Variants in PDE1C observed in about 807,000 individuals in gnomAD.
PDE1C encodes the protein phosphodiesterase 1C.
In PDE1C, 62 loss-of-function variants were observed where a neutral mutation model predicts 93.1. That is an observed-to-expected ratio of 0.67 (90% CI 0.54 to 0.82). The LOEUF (loss-of-function observed/expected upper bound fraction) is 0.82, where lower values mean the gene tolerates loss of function less well. Among genes scored for constraint, PDE1C ranks in the 40% least tolerant of loss-of-function variants. The pLI is 0.00. For synonymous variants in PDE1C, 325 were observed against 310.1 expected, an observed-to-expected ratio of 1.05 and a Z score of -0.50; for missense variants, 742 against 884.6, an observed-to-expected ratio of 0.84 and a Z score of 2.04.
rs1035325655 is a variant in PDE1C, at chr7:31,775,657, T to C, written c.1960+7A>G. 1.9e-6 allele frequency: 3 copies of C among 1,611,744 alleles called. No homozygotes were observed. Among genetic ancestry groups the C allele is most frequent in the Non-Finnish European group, 2.5e-6 (3 of 1,178,998 alleles). ...ACTAAGATAATGGTGCAATGCTGTT[T>C]ACCCACCTGGCAACGTAAGGCGACA... On this transcript the variant is annotated splice_region_variant and intron_variant, in intron 17 of 17. Coordinates refer to ENST00000396191, the MANE Select transcript of PDE1C (RefSeq NM_001191057.4).
intron 16 of PDE1C, among the ~76,000 whole-genome samples, chr7:31,799,457 T>C (rs1785716058): frequency 6.6e-6 from 1 of 151,714 alleles, no homozygotes; most frequent in Admixed American, 6.6e-5. Flanking sequence ...GGCAAATCAA[T>C]TCAAATAGAA....
At chr7:31,989,689 C>CTA (rs1357943447) in intron 2 of PDE1C, among the ~76,000 whole-genome samples, 2 of 152,196 alleles carry the variant, frequency 1.3e-5, no homozygotes, top group Non-Finnish European at 2.9e-5. Context: ...CTCATTAGAG[C>CTA]TATAGTTAGC....
chr7:32,236,637 A>G (rs1469943937), intron 1 of PDE1C, among the ~76,000 whole-genome samples: 3 of 152,188 alleles, frequency 2.0e-5, no homozygotes, highest in Non-Finnish European at 4.4e-5. Flanking sequence ...TAGGATGGCT[A>G]AGATTAAAAA....
intron 5 of PDE1C, 118 bp downstream of exon 5, chr7:31,877,852 T>G (rs1316443110): frequency 3.0e-5 from 19 of 636,580 alleles, no homozygotes; most frequent in Middle Eastern, 4.1e-4. Context: ...AATGAAAGAA[T>G]AAAGTCAGGA....
chr7:31,633,582 G>A, the PDE1C span, among the ~76,000 whole-genome samples: 15 of 152,244 alleles, frequency 9.9e-5, 1 homozygote, highest in African/African-American at 2.6e-4. Context: ...TCACACTACC[G>A]CCCATTGTCC....
intron 2 of PDE1C, among the ~76,000 whole-genome samples, chr7:32,174,389 G>A (rs1802847773): frequency 6.6e-6 from 1 of 152,142 alleles, no homozygotes; most frequent in South Asian, 2.1e-4. Context: ...CCATAACTGA[G>A]GGGCAAATAG....
chr7:31,618,168 G>C, the PDE1C span, among the ~76,000 whole-genome samples: 1 of 152,128 alleles, frequency 6.6e-6, no homozygotes. Context: ...CAGATCAAAG[G>C]TGTGACCATT....
the PDE1C span, among the ~76,000 whole-genome samples, chr7:31,644,358 A>T: frequency 6.6e-6 from 1 of 152,240 alleles, no homozygotes; most frequent in South Asian, 2.1e-4. Context: ...TTTGTAAAAT[A>T]GGGAGACTAT....
At chr7:32,214,014 AG>A (rs1244486055) in intron 1 of PDE1C, among the ~76,000 whole-genome samples, 1 of 152,168 alleles carries the variant, frequency 6.6e-6, no homozygotes, top group African/African-American at 2.4e-5. Flanking sequence ...TTTTTATTAG[AG>A]GGTATAAAAC....
the PDE1C span, chr7:31,651,380 G>A: frequency 6.4e-6 from 8 of 1,255,180 alleles, no homozygotes; most frequent in African/African-American, 7.8e-5. Flanking sequence ...ATGAGAAACC[G>A]GCCAGCTTTT....
intron 3 of PDE1C, among the ~76,000 whole-genome samples, chr7:32,146,493 C>T (rs1342363538): frequency 6.6e-6 from 1 of 152,140 alleles, no homozygotes; most frequent in Non-Finnish European, 1.5e-5. Context: ...CTTCAGATCT[C>T]TATCTGGCTA....
At chr7:32,122,784 C>T (rs964796004) in intron 3 of PDE1C, among the ~76,000 whole-genome samples, 2 of 152,002 alleles carry the variant, frequency 1.3e-5, no homozygotes, top group African/African-American at 4.8e-5. Context: ...AATTGACACC[C>T]TAAAAACACA....
At chr7:32,005,705 C>A (rs1367238096) in intron 2 of PDE1C, among the ~76,000 whole-genome samples, 1 of 151,728 alleles carries the variant, frequency 6.6e-6, no homozygotes, top group Non-Finnish European at 1.5e-5. Flanking sequence ...CTAGAAGGAA[C>A]CACACCCAAA....
At chr7:32,401,109 A>G (rs1221092134) in intron 1 of PDE1C, among the ~76,000 whole-genome samples, 2 of 152,230 alleles carry the variant, frequency 1.3e-5, no homozygotes, top group Non-Finnish European at 2.9e-5. Flanking sequence ...AAGTGTTTTG[A>G]TTGTACAACT....
the PDE1C span, among the ~76,000 whole-genome samples, chr7:31,708,788 A>G: frequency 6.6e-6 from 1 of 152,138 alleles, no homozygotes; most frequent in East Asian, 1.9e-4. Flanking sequence ...CATATGCCCC[A>G]CCTGGAGTAT....
chr7:31,743,889 A>C, the PDE1C span, among the ~76,000 whole-genome samples: 1 of 152,094 alleles, frequency 6.6e-6, no homozygotes, highest in Admixed American at 6.5e-5. Context: ...CATGATTGTC[A>C]TGAACTCATG....
intron 1 of PDE1C, among the ~76,000 whole-genome samples, chr7:32,331,114 G>A (rs1459454684): frequency 6.6e-6 from 1 of 152,172 alleles, no homozygotes; most frequent in Non-Finnish European, 1.5e-5. Context: ...GTTTGACAGG[G>A]AAGCAACAAA....
At chr7:31,858,827 T>C (rs1794327461) in intron 7 of PDE1C, among the ~76,000 whole-genome samples, 1 of 151,986 alleles carries the variant, frequency 6.6e-6, no homozygotes, top group African/African-American at 2.4e-5. Flanking sequence ...CTCAGCAAAA[T>C]ATTAAGTTCT....
At chr7:32,078,372 G>A (rs1445942582) in intron 3 of PDE1C, among the ~76,000 whole-genome samples, 3 of 152,192 alleles carry the variant, frequency 2.0e-5, no homozygotes, top group Non-Finnish European at 4.4e-5. Flanking sequence ...ACTTCCAACG[G>A]AGGACTGGTT....
Sources: allele counts gnomAD v4.1 joint callset (sites outside exome capture counted in the v4.1 genomes callset), GRCh38; gene constraint gnomAD v4.1.1; transcripts MANE v1.5; gene names NCBI Gene and HGNC (gene_info 2026-07-23, HGNC 2026-07-21).